Variants in IL17B observed in about 807,000 individuals in gnomAD.
The protein encoded by IL17B is interleukin 17B.
IL17B carries 14 observed loss-of-function variants against 14.7 expected under a neutral mutation model. The ratio of observed to expected loss-of-function variants is 0.95; its 90% confidence interval spans 0.63 to 1.49. The LOEUF (loss-of-function observed/expected upper bound fraction) is 1.49, where lower values mean the gene tolerates loss of function less well. Ranked by LOEUF, IL17B falls within the 40% of genes most tolerant of loss-of-function variation. The pLI, the probability that IL17B is intolerant of heterozygous loss-of-function variation, is 0.00. For missense variants in IL17B, 233 were observed against 252.8 expected, an observed-to-expected ratio of 0.92 and a Z score of 0.53; for synonymous variants, 105 against 94.8, an observed-to-expected ratio of 1.11 and a Z score of -0.62.
intron 1 of IL17B, among the ~76,000 whole-genome samples, chr5:149,392,330 C>T (rs1214737401): frequency 6.6e-6 from 1 of 152,238 alleles, no homozygotes; most frequent in African/African-American, 2.4e-5. Flanking sequence ...TCAAAGTGCT[C>T]ATCCTTATAG....
intron 1 of IL17B, among the ~76,000 whole-genome samples, chr5:149,400,125 T>G (rs1759177863): frequency 6.6e-6 from 1 of 152,210 alleles, no homozygotes; most frequent in African/African-American, 2.4e-5. Context: ...TTTGACCTTA[T>G]TTGGAAACAG....
At chr5:149,404,113 C>T (rs999336934) in exon 1 of IL17B, 2 of 152,284 alleles carry the variant, frequency 1.3e-5, no homozygotes, top group African/African-American at 2.4e-5. Context: ...CATACCAAGC[C>T]GCAGTCTGTC....
intron 1 of IL17B, among the ~76,000 whole-genome samples, chr5:149,388,842 G>A (rs1349904664): frequency 6.6e-6 from 1 of 152,198 alleles, no homozygotes; most frequent in Non-Finnish European, 1.5e-5. Context: ...ATCTGCAGAG[G>A]TCAAAAATCA....
In IL17B at chr5:149,374,488, G is replaced by A; in HGVS notation, c.424C>T (p.Pro142Ser). 6.2e-7 allele frequency: 1 copy of A among 1,612,900 alleles called. No individual in the cohort carries two copies. The highest frequency in any genetic ancestry group is 8.5e-7 in the Non-Finnish European group (1 of 1,179,914). The change falls in exon 3 of 3, where the codon CCG becomes TCG. Residue 142 changes from proline to serine, a missense_variant. Physicochemically the swap from Pro to Ser is moderately conservative, Grantham distance 74. Transcript: ENST00000261796. This position sits in a 1 kb window ranked among gnomAD's most constrained non-coding sequence, Gnocchi z 5.0. ...MQEDRSMVSV[P>S]VFSQVPVRRR... is the part of the protein sequence containing the mutation. Reference sequence around the variant, plus strand: ...CGCACAGGAACCTGGCTGAACACCGGCACGCTCACCATGCTGCGGTCCTCC... The same window carrying A: ...CGCACAGGAACCTGGCTGAACACCGACACGCTCACCATGCTGCGGTCCTCC...
At chr5:149,402,688 T>A (rs1412736466) in intron 1 of IL17B, among the ~76,000 whole-genome samples, 8 of 118,426 alleles carry the variant, frequency 6.8e-5, no homozygotes, top group Non-Finnish European at 1.2e-4. Context: ...TACCATGCTT[T>A]TAAAAAAAAA....
At chr5:149,377,683 AG>A (rs1226065977) in intron 1 of IL17B, among the ~76,000 whole-genome samples, 8 of 151,868 alleles carry the variant, frequency 5.3e-5, no homozygotes, top group Non-Finnish European at 4.4e-5. Flanking sequence ...GCTGGAGAAG[AG>A]TGGGGCCTCC....
intron 1 of IL17B, among the ~76,000 whole-genome samples, chr5:149,394,790 A>G (rs952760889): frequency 6.6e-6 from 1 of 152,122 alleles, no homozygotes; most frequent in African/African-American, 2.4e-5. Context: ...CTCATTTCCT[A>G]TGTGGCACTG....
upstream of IL17B, among the ~76,000 whole-genome samples, chr5:149,382,962 A>T (rs1208768225): frequency 1.3e-5 from 2 of 152,258 alleles, no homozygotes; most frequent in Non-Finnish European, 2.9e-5. Flanking sequence ...AGGCCAGAGC[A>T]GAGGGACCTG....
chr5:149,377,692 T>A (rs1436526629), intron 1 of IL17B, among the ~76,000 whole-genome samples: 7 of 152,054 alleles, frequency 4.6e-5, no homozygotes, highest in Non-Finnish European at 8.8e-5. Context: ...GAGTGGGGCC[T>A]CCTGCTTAGC....
At chr5:149,402,031 G>T (rs1374855540) in intron 1 of IL17B, among the ~76,000 whole-genome samples, 1 of 152,190 alleles carries the variant, frequency 6.6e-6, no homozygotes, top group Non-Finnish European at 1.5e-5. Flanking sequence ...AGCCCCATGT[G>T]CTGGTGATAG....
exon 1 of IL17B, chr5:149,404,137 T>C (rs1027766689): frequency 3.3e-5 from 5 of 152,180 alleles, no homozygotes; most frequent in African/African-American, 4.8e-5. Flanking sequence ...CTGTTTTCTC[T>C]AGGAATGGAG....
At chr5:149,399,583 T>C (rs1759168743) in intron 1 of IL17B, among the ~76,000 whole-genome samples, 1 of 152,182 alleles carries the variant, frequency 6.6e-6, no homozygotes, top group African/African-American at 2.4e-5. Flanking sequence ...TCCCAGCATG[T>C]GGCACAAGGT....
chr5:149,392,998 GC>G (rs1439876151), intron 1 of IL17B, among the ~76,000 whole-genome samples: 1 of 148,812 alleles, frequency 6.7e-6, no homozygotes, highest in Non-Finnish European at 1.5e-5. Flanking sequence ...GCGTGTGTGT[GC>G]TGCGTGTGTG....
At chr5:149,394,068 C>T (rs1759043489) in intron 1 of IL17B, among the ~76,000 whole-genome samples, 1 of 152,158 alleles carries the variant, frequency 6.6e-6, no homozygotes, top group Non-Finnish European at 1.5e-5. Context: ...CATATCAAAA[C>T]ATGTCAGGAC....
At chr5:149,400,721 C>T (rs543610671) in intron 1 of IL17B, among the ~76,000 whole-genome samples, 10 of 152,320 alleles carry the variant, frequency 6.6e-5, no homozygotes, top group African/African-American at 2.4e-4. Context: ...GCAAGTCCCA[C>T]GTTTTGCCAC....
chr5:149,384,529 C>T (rs760458288), intron 1 of IL17B, among the ~76,000 whole-genome samples: 52 of 152,166 alleles, frequency 3.4e-4, no homozygotes, highest in Non-Finnish European at 6.8e-4. Context: ...GACGATGAAC[C>T]AGAGTGCTCT....
intron 1 of IL17B, among the ~76,000 whole-genome samples, chr5:149,397,101 G>GTGGTTA (rs1014928294): frequency 6.6e-6 from 1 of 152,202 alleles, no homozygotes; most frequent in African/African-American, 2.4e-5. Context: ...GTACATTTGA[G>GTGGTTA]TGGTTATTAC....
chr5:149,377,809 T>G (rs1420215877), intron 1 of IL17B, among the ~76,000 whole-genome samples: 81 of 120,968 alleles, frequency 6.7e-4, no homozygotes, highest in African/African-American at 9.5e-4. Context: ...GTGGGAGGGG[T>G]GGGTTGGGGG....
chr5:149,402,003 T>C (rs541181522), intron 1 of IL17B, among the ~76,000 whole-genome samples: 5 of 152,282 alleles, frequency 3.3e-5, no homozygotes, highest in African/African-American at 4.8e-5. Flanking sequence ...CGGTTTTCCT[T>C]GAAACTTCAA....
Sources: allele counts gnomAD v4.1 joint callset (sites outside exome capture counted in the v4.1 genomes callset), GRCh38; gene constraint gnomAD v4.1.1; non-coding constraint Gnocchi (gnomAD v3.1); transcripts MANE v1.5; gene names NCBI Gene and HGNC (gene_info 2026-07-23, HGNC 2026-07-21).